The following FIGN variants were observed in gnomAD, a reference collection of about 807,000 sequenced individuals.
FIGN encodes the protein fidgetin, microtubule severing factor.
A neutral mutation model predicts 51.3 loss-of-function variants in FIGN; 11 were observed. The ratio of observed to expected loss-of-function variants is 0.21; its 90% CI spans 0.13 to 0.35. The LOEUF is 0.35. Ranked by LOEUF, FIGN falls within the 10% of genes least tolerant of loss-of-function variation. The pLI, the probability that FIGN is intolerant of heterozygous loss-of-function variation, is 1.00. For missense variants in FIGN, 857 were observed against 943.6 expected, an observed-to-expected ratio of 0.91 and a Z score of 1.20; for synonymous variants, 407 against 363.2, an observed-to-expected ratio of 1.12 and a Z score of -1.37.
chr2:163,626,159 A>G (rs1683050781), intron 2 of FIGN, among the ~76,000 whole-genome samples: 1 of 152,176 alleles, frequency 6.6e-6, no homozygotes, highest in Non-Finnish European at 1.5e-5. Flanking sequence ...GATTTTTTGG[A>G]ATGCACTTCT....
chr2:163,718,348 C>G (rs1206133654), intron 2 of FIGN, among the ~76,000 whole-genome samples: 1 of 152,156 alleles, frequency 6.6e-6, no homozygotes, highest in Non-Finnish European at 1.5e-5. Flanking sequence ...CAACACTTAA[C>G]ATATTTGCTT....
At chr2:163,700,516 C>T (rs1684392376) in intron 2 of FIGN, among the ~76,000 whole-genome samples, 1 of 152,038 alleles carries the variant, frequency 6.6e-6, no homozygotes, top group Non-Finnish European at 1.5e-5. Context: ...AACACATCAG[C>T]CTGGATGAGA....
chr2:163,700,406 C>A lies in FIGN; in HGVS notation c.25+34497G>T, dbSNP rs1009458216. Among the ~76,000 whole-genome samples, 5 of 152,164 alleles carry A rather than the reference C, an allele frequency of 3.3e-5. No homozygotes were observed. The East Asian group carries it at 9.7e-4, about 29-fold the overall frequency. On this transcript the variant is annotated intron_variant, in intron 2 of 2. Coordinates refer to ENST00000333129, the MANE Select transcript of FIGN (RefSeq NM_018086.4). The stretch of plus-strand genomic sequence containing the variant: ...AGAAAGAAGGAAGGGGACACTGGGG[C>A]AGGGCTCTGAAATATAGTTTCATAG...
At chr2:163,728,352 G>T (rs1489585131) in intron 2 of FIGN, among the ~76,000 whole-genome samples, 1 of 149,864 alleles carries the variant, frequency 6.7e-6, no homozygotes, top group Non-Finnish European at 1.5e-5. Flanking sequence ...AATTATTCTG[G>T]GCCTGGGATA....
In FIGN at chr2:163,606,098, A is replaced by C. The variant is rs1691105378; in HGVS notation, c.*3454T>G. 6.6e-6 allele frequency: 1 copy of C among 152,042 alleles called. No homozygotes were observed. The highest frequency in any genetic ancestry group is 1.5e-5 in the Non-Finnish European group (1 of 68,004). 9.4% of individuals were successfully genotyped at this position (152,042 alleles called of 1,614,324 possible). A position where few individuals can be genotyped will look rare whatever the true frequency, so the allele number is the denominator to read the frequency against. ...TTTCAAATGCACAAGAAAACATTAT[A>C]CCCGTCTATCTGCATTTGAGTAGAA... On this transcript the variant is annotated 3_prime_UTR_variant, in exon 3 of 3. Transcript: ENST00000333129.
intron 2 of FIGN, among the ~76,000 whole-genome samples, chr2:163,616,234 T>C (rs1181382621): frequency 6.6e-6 from 1 of 152,176 alleles, no homozygotes. Context: ...AAAACAACTA[T>C]AGCATCCTCT....
At chr2:163,651,644 G>C (rs1385486961) in intron 2 of FIGN, among the ~76,000 whole-genome samples, 1 of 152,112 alleles carries the variant, frequency 6.6e-6, no homozygotes, top group Non-Finnish European at 1.5e-5. Flanking sequence ...AAAAATGAGA[G>C]CTAACCTTTA....
intron 2 of FIGN, among the ~76,000 whole-genome samples, chr2:163,728,918 G>A (rs1285324574): frequency 1.3e-5 from 2 of 152,186 alleles, no homozygotes; most frequent in Non-Finnish European, 2.9e-5. Flanking sequence ...AGGTAAAAAT[G>A]TCTCTTAATG....
At chr2:163,701,508 A>T (rs1159104734) in intron 2 of FIGN, among the ~76,000 whole-genome samples, 1 of 152,176 alleles carries the variant, frequency 6.6e-6, no homozygotes, top group Non-Finnish European at 1.5e-5. Context: ...AAATCAGTAG[A>T]ACCTGCGGAT....
intron 2 of FIGN, among the ~76,000 whole-genome samples, chr2:163,687,902 G>T (rs1308804636): frequency 6.6e-6 from 1 of 152,038 alleles, no homozygotes; most frequent in African/African-American, 2.4e-5. Flanking sequence ...ACCACAAAAA[G>T]GCATCATCCC....
In FIGN at chr2:163,667,503, T is replaced by C. The variant is rs191117543; in HGVS notation, c.26-55697A>G. 1.6e-3 allele frequency among the ~76,000 whole-genome samples: 245 copies of C among 152,282 alleles called. 1 individual carries two copies. Among genetic ancestry groups the C allele is most frequent in the Middle Eastern group, 0.014 (4 of 294 alleles). On this transcript the variant is annotated intron_variant, in intron 2 of 2. Coordinates refer to ENST00000333129, the MANE Select transcript of FIGN (RefSeq NM_018086.4). ...GGCCTGCATTTCCAGCTCCATTCCC[T>C]CCATTCCCACTTAACATCCCATGTT...
intron 2 of FIGN, among the ~76,000 whole-genome samples, chr2:163,619,394 G>T (rs887098394): frequency 2.0e-5 from 3 of 152,078 alleles, no homozygotes; most frequent in African/African-American, 4.8e-5. Flanking sequence ...AATGTTACAG[G>T]CACCATGACT....
In FIGN at chr2:163,734,951, T is replaced by G; in HGVS notation, c.-24A>C. ...ATTTCTTGCTGGCAGCACAAAAAGC[T>G]GAATTGGATTTCTCACAAGCAGGAA... is the stretch of plus-strand genomic sequence containing the variant. On this transcript the variant is annotated 5_prime_UTR_variant, in exon 2 of 3. Transcript: ENST00000333129. The G allele has an allele frequency of 6.2e-7, 1 of 1,611,138 alleles. No individual in the cohort carries two copies. Among genetic ancestry groups the G allele is most frequent in the Middle Eastern group, 1.7e-4 (1 of 6,040 alleles).
chr2:163,623,757 TG>T (rs775115473), intron 2 of FIGN, among the ~76,000 whole-genome samples: 1 of 152,154 alleles, frequency 6.6e-6, no homozygotes, highest in African/African-American at 2.4e-5. Context: ...AGCTAACTTG[TG>T]AAGATTTTTC....
At chr2:163,703,627 T>C (rs935090217) in intron 2 of FIGN, among the ~76,000 whole-genome samples, 2 of 152,122 alleles carry the variant, frequency 1.3e-5, no homozygotes, top group African/African-American at 4.8e-5. Context: ...TTCTGACCTT[T>C]GAACTCTGAT....
chr2:163,627,967 G>T (rs567477898), intron 2 of FIGN, among the ~76,000 whole-genome samples: 11 of 152,232 alleles, frequency 7.2e-5, no homozygotes, highest in South Asian at 2.1e-4. Context: ...AAAATATATT[G>T]TAAGTCTCAA....
At chr2:163,634,733 T>C (rs1456950911) in intron 2 of FIGN, among the ~76,000 whole-genome samples, 1 of 152,224 alleles carries the variant, frequency 6.6e-6, no homozygotes, top group African/African-American at 2.4e-5. Flanking sequence ...CAGTTACACA[T>C]ACATATGCAT....
chr2:163,626,245 CT>C (rs1453680053), intron 2 of FIGN, among the ~76,000 whole-genome samples: 1 of 152,070 alleles, frequency 6.6e-6, no homozygotes. Flanking sequence ...AAATGTCTTC[CT>C]GTTTAAGCCT....
chr2:163,692,415 G>A (rs573738893), intron 2 of FIGN, among the ~76,000 whole-genome samples: 1 of 152,252 alleles, frequency 6.6e-6, no homozygotes, highest in Admixed American at 6.5e-5. Context: ...TTCTTCTAAG[G>A]AGCTAGAAAC....
Sources: allele counts gnomAD v4.1 joint callset (sites outside exome capture counted in the v4.1 genomes callset), GRCh38; gene constraint gnomAD v4.1.1; transcripts MANE v1.5; gene names NCBI Gene and HGNC (gene_info 2026-07-23, HGNC 2026-07-21).